ANTXR1: variants seen among roughly 807,000 people sequenced by gnomAD.
ANTXR1 encodes the protein anthrax toxin receptor 1.
In ANTXR1, 19 loss-of-function variants were observed where a neutral mutation model predicts 78.1. That is an observed-to-expected ratio of 0.24 (90% CI 0.17 to 0.36). ANTXR1 has a LOEUF of 0.36. ANTXR1 is among the 10% of genes least tolerant of loss of function. ANTXR1 has a pLI of 1.00. For missense variants in ANTXR1, 518 were observed against 718.6 expected, an observed-to-expected ratio of 0.72 and a Z score of 3.19; for synonymous variants, 273 against 260.5, an observed-to-expected ratio of 1.05 and a Z score of -0.46.
chr2:69,087,984 A>T (rs542790571), intron 8 of ANTXR1, among the ~76,000 whole-genome samples: 1 of 152,158 alleles, frequency 6.6e-6, no homozygotes, highest in South Asian at 2.1e-4. Context: ...CCCCTCACTG[A>T]TAAATTTTAC....
intron 12 of ANTXR1, among the ~76,000 whole-genome samples, chr2:69,148,166 C>A (rs1673279465): frequency 6.6e-6 from 1 of 152,166 alleles, no homozygotes; most frequent in African/African-American, 2.4e-5. Flanking sequence ...TAAGGGTTCC[C>A]CTGGGCTCAG....
At chr2:69,235,821 C>T (rs1408473803) in intron 17 of ANTXR1, among the ~76,000 whole-genome samples, 10 of 150,386 alleles carry the variant, frequency 6.6e-5, no homozygotes, top group Non-Finnish European at 5.9e-5. Flanking sequence ...TTAGTCTGCT[C>T]TCATACTGCT....
intron 6 of ANTXR1, among the ~76,000 whole-genome samples, chr2:69,074,941 T>G (rs1007333597): frequency 1.3e-5 from 2 of 152,198 alleles, no homozygotes; most frequent in African/African-American, 4.8e-5. Flanking sequence ...TGAGCCAAAA[T>G]CTGGGTATTA....
At chr2:69,100,309 A>T (rs1259730005) in intron 9 of ANTXR1, among the ~76,000 whole-genome samples, 1 of 152,218 alleles carries the variant, frequency 6.6e-6, no homozygotes, top group Non-Finnish European at 1.5e-5. Context: ...CTCTTCTGGT[A>T]ACCAAATGTG....
intron 3 of ANTXR1, among the ~76,000 whole-genome samples, chr2:69,068,920 T>C (rs951338451): frequency 5.9e-5 from 9 of 152,136 alleles, no homozygotes; most frequent in African/African-American, 1.9e-4. Flanking sequence ...AATGTGATGA[T>C]GGTGAGAGGA....
intron 17 of ANTXR1, among the ~76,000 whole-genome samples, chr2:69,229,901 G>C (rs1023630133): frequency 2.0e-5 from 3 of 152,094 alleles, no homozygotes; most frequent in Admixed American, 6.5e-5. Flanking sequence ...AAGAGATGAT[G>C]GTCAGTACCA....
chr2:69,197,838 G>C (rs1674698878), intron 17 of ANTXR1, among the ~76,000 whole-genome samples: 1 of 152,204 alleles, frequency 6.6e-6, no homozygotes, highest in Admixed American at 6.5e-5. Context: ...TTCTGAGAAA[G>C]AACGCTTCAA....
intron 16 of ANTXR1, among the ~76,000 whole-genome samples, chr2:69,188,901 C>T (rs1412094661): frequency 2.0e-5 from 3 of 152,244 alleles, no homozygotes; most frequent in Non-Finnish European, 4.4e-5. Flanking sequence ...GAGCCCACTA[C>T]TACTGTCTTT....
intron 13 of ANTXR1, among the ~76,000 whole-genome samples, chr2:69,153,168 C>T (rs1213609367): frequency 7.2e-5 from 11 of 152,164 alleles, no homozygotes; most frequent in African/African-American, 1.2e-4. Context: ...TTTAGTTCTT[C>T]CATGGAAGGG....
intron 9 of ANTXR1, among the ~76,000 whole-genome samples, chr2:69,101,645 C>G (rs1671623634): frequency 6.6e-6 from 1 of 152,178 alleles, no homozygotes; most frequent in African/African-American, 2.4e-5. Context: ...ATTTATTAAG[C>G]TTCGAGAGTC....
At chr2:69,164,215 C>T (rs1673762388) in intron 13 of ANTXR1, among the ~76,000 whole-genome samples, 1 of 152,132 alleles carries the variant, frequency 6.6e-6, no homozygotes, top group African/African-American at 2.4e-5. Flanking sequence ...AATAAGATGG[C>T]ACAATTAACC....
chr2:69,123,178 G>A lies in ANTXR1; in HGVS notation c.872+92G>A. On this transcript the variant is annotated intron_variant, in intron 11 of 17. Coordinates refer to ENST00000303714, the MANE Select transcript of ANTXR1 (RefSeq NM_032208.3). ...GGAAAAGAAAGCATCTAGAGAAAGT[G>A]GAGCCTTTCTCTAGGTTCCTCCAGC... The A allele has an allele frequency of 3.0e-6, 4 of 1,342,006 alleles. No homozygotes were observed. The Admixed American group carries it at 6.8e-5, about 23-fold the overall frequency. 83.1% of individuals were successfully genotyped at this position (1,342,006 alleles called of 1,614,324 possible). A position where few individuals can be genotyped will look rare whatever the true frequency, so the allele number is the denominator to read the frequency against.
intron 9 of ANTXR1, among the ~76,000 whole-genome samples, chr2:69,101,219 A>AGC: frequency 6.6e-6 from 1 of 152,324 alleles, no homozygotes; most frequent in Non-Finnish European, 1.5e-5. Flanking sequence ...CTGCAAAATG[A>AGC]GCAAACCTGC....
chr2:69,191,072 C>A (rs187874293), intron 16 of ANTXR1, among the ~76,000 whole-genome samples: 2 of 152,274 alleles, frequency 1.3e-5, no homozygotes, highest in East Asian at 3.9e-4. Context: ...AATGCTTATC[C>A]AAAAGAACCT....
At chr2:69,160,074 A>G (rs1454160307) in intron 13 of ANTXR1, among the ~76,000 whole-genome samples, 1 of 152,222 alleles carries the variant, frequency 6.6e-6, no homozygotes, top group Non-Finnish European at 1.5e-5. Flanking sequence ...TCTTGGGCCT[A>G]ATACTGATTG....
chr2:69,049,199 C>CCATG (rs1348976401), intron 3 of ANTXR1, among the ~76,000 whole-genome samples: 1 of 152,080 alleles, frequency 6.6e-6, no homozygotes, highest in Non-Finnish European at 1.5e-5. Context: ...GTAGAAAAGA[C>CCATG]CATGCATGCA....
At position 69,031,207 on chromosome 2, in the gene ANTXR1, G is replaced by A. The variant is rs149697181; in HGVS notation, c.153-8837G>A. 1.4e-3 allele frequency among the ~76,000 whole-genome samples: 213 copies of A among 152,242 alleles called. 1 individual carries two copies. The highest frequency in any genetic ancestry group is 2.7e-3 in the Non-Finnish European group (182 of 68,014). On this transcript the variant is annotated intron_variant, in intron 1 of 17. Coordinates refer to ENST00000303714, the MANE Select transcript of ANTXR1 (RefSeq NM_032208.3). The stretch of plus-strand genomic sequence containing the variant: ...AATGGGCCAAAAATATTGAGACCAG[G>A]GTCAGCTTCATGGGCATGGGACCTG...
intron 3 of ANTXR1, among the ~76,000 whole-genome samples, chr2:69,067,593 CCTAA>C (rs989095784): frequency 1.1e-4 from 16 of 152,202 alleles, no homozygotes; most frequent in East Asian, 9.6e-4. Context: ...GCGTCTCTCA[CCTAA>C]CTGTCAGAAA....
At position 69,154,233 on chromosome 2, in the gene ANTXR1, A is replaced by G. The variant is rs112942618; in HGVS notation, c.1047+1969A>G. ...TCCCTGTTGCTTTGGAAGGCAGCCA[A>G]AATGTCTTAATGTGGTCTGACTTTG... On this transcript the variant is annotated intron_variant, in intron 13 of 17. Coordinates refer to ENST00000303714, the MANE Select transcript of ANTXR1 (RefSeq NM_032208.3). Among the ~76,000 whole-genome samples, 23 of 152,316 alleles carry G rather than the reference A, an allele frequency of 1.5e-4. 1 individual carries two copies. Among genetic ancestry groups the G allele is most frequent in the African/African-American group, 5.3e-4 (22 of 41,562 alleles).
Sources: allele counts gnomAD v4.1 joint callset (sites outside exome capture counted in the v4.1 genomes callset), GRCh38; gene constraint gnomAD v4.1.1; transcripts MANE v1.5; gene names NCBI Gene and HGNC (gene_info 2026-07-23, HGNC 2026-07-21).